The following ROBO2 variants were observed in gnomAD, a reference collection of about 807,000 sequenced individuals.
The protein encoded by ROBO2 is roundabout guidance receptor 2.
A neutral mutation model predicts 160.8 loss-of-function variants in ROBO2; 53 were observed. The ratio of observed to expected loss-of-function variants is 0.33; its 90% confidence interval spans 0.26 to 0.41. The LOEUF is 0.41. ROBO2 is among the 10% of genes least tolerant of loss of function. The probability of loss-of-function intolerance (pLI) is 1.00; values close to 1 mark genes in which losing one functional copy is unlikely to be tolerated. For missense variants in ROBO2, 1,577 were observed against 1,722.4 expected, an observed-to-expected ratio of 0.92 and a Z score of 1.49; for synonymous variants, 664 against 611.7, an observed-to-expected ratio of 1.09 and a Z score of -1.26.
In ROBO2 at chr3:76,054,480, G is replaced by A. The variant is rs558806572; in HGVS notation, c.109+116878G>A. On this transcript the variant is annotated intron_variant, in intron 2 of 26. Transcript: ENST00000487694. ...ACCCCTGTTGTTCACTGTTATCATG[G>A]CTTTCATTTTTCTATCCAGCCAAAA... 7.2e-5 allele frequency among the ~76,000 whole-genome samples: 11 copies of A among 152,200 alleles called. No individual in the cohort carries two copies. The South Asian group carries it at 2.3e-3, about 32-fold the overall frequency.
At chr3:76,504,716 G>A (rs1258722957) in intron 2 of ROBO2, among the ~76,000 whole-genome samples, 1 of 151,756 alleles carries the variant, frequency 6.6e-6, no homozygotes, top group Non-Finnish European at 1.5e-5. Flanking sequence ...TTTTAGTAGA[G>A]ACGGGGTTTC....
chr3:75,981,175 A>G (rs1021327794), intron 2 of ROBO2, among the ~76,000 whole-genome samples: 1 of 151,518 alleles, frequency 6.6e-6, no homozygotes, highest in African/African-American at 2.4e-5. Flanking sequence ...TTTTTCAGCA[A>G]TATTTTAGAG....
At chr3:76,216,738 T>C (rs1393389859) in intron 2 of ROBO2, among the ~76,000 whole-genome samples, 1 of 152,118 alleles carries the variant, frequency 6.6e-6, no homozygotes, top group East Asian at 1.9e-4. Context: ...ACTGTCAACA[T>C]TAGACAGCTC....
chr3:76,048,814 G>A (rs73841093), intron 2 of ROBO2, among the ~76,000 whole-genome samples: 3,120 of 152,124 alleles, frequency 0.021, 43 homozygotes, highest in East Asian at 0.079. Flanking sequence ...TTAACAAATC[G>A]TAGCATGTTT....
chr3:76,553,485 G>T (rs2083533592), intron 2 of ROBO2, among the ~76,000 whole-genome samples: 1 of 152,098 alleles, frequency 6.6e-6, no homozygotes, highest in African/African-American at 2.4e-5. Flanking sequence ...AGATATTTCT[G>T]ACTAAAGAAA....
At chr3:77,581,386 C>T (rs78615811) in intron 16 of ROBO2, among the ~76,000 whole-genome samples, 1 of 152,032 alleles carries the variant, frequency 6.6e-6, no homozygotes. Flanking sequence ...TGGCTTACCT[C>T]TAGATACTGA....
intron 12 of ROBO2, among the ~76,000 whole-genome samples, chr3:77,565,569 G>C (rs1044060255): frequency 2.6e-5 from 4 of 152,002 alleles, no homozygotes; most frequent in Admixed American, 1.3e-4. Context: ...CATCTGCATA[G>C]CCTGCAACTG....
chr3:76,244,782 A>G (rs1000958835), intron 2 of ROBO2, among the ~76,000 whole-genome samples: 2 of 152,180 alleles, frequency 1.3e-5, no homozygotes, highest in Non-Finnish European at 2.9e-5. Context: ...AGAATAGACA[A>G]TACTGAAGGT....
chr3:77,317,480 G>T, intron 2 of ROBO2: 3 of 1,526,974 alleles, frequency 2.0e-6, no homozygotes, highest in Non-Finnish European at 2.7e-6. Flanking sequence ...CTGAGCCTGA[G>T]CTTGTAAACT....
intron 2 of ROBO2, among the ~76,000 whole-genome samples, chr3:76,135,814 CT>C (rs1055410074): frequency 5.1e-4 from 77 of 152,124 alleles, no homozygotes; most frequent in African/African-American, 1.8e-3. Context: ...ACAATTTTTT[CT>C]TTTGAACAAC....
chr3:76,107,718 G>A lies in ROBO2; in HGVS notation c.109+170116G>A, dbSNP rs188782850. Among the ~76,000 whole-genome samples the A allele has an allele frequency of 5.9e-5, 9 of 152,198 alleles. No individual in the cohort carries two copies. In the East Asian group the frequency reaches 7.7e-4, roughly 13 times the overall value. ...TTATACTCAAAATTACACAGTTGAA[G>A]TGCATAAATCACATCTGAAATCCCT... On this transcript the variant is annotated intron_variant, in intron 2 of 26. Transcript: ENST00000487694.
chr3:76,122,391 T>A (rs1326449086), intron 2 of ROBO2, among the ~76,000 whole-genome samples: 1 of 152,182 alleles, frequency 6.6e-6, no homozygotes, highest in Non-Finnish European at 1.5e-5. Flanking sequence ...TCTTGATATT[T>A]TTCAGTCTTG....
At position 76,738,082 on chromosome 3, in the gene ROBO2, C is replaced by T. The variant is rs138623152; in HGVS notation, c.110-359932C>T. On this transcript the variant is annotated intron_variant, in intron 2 of 26. Coordinates refer to the ROBO2 transcript ENST00000487694. ...CCAGGAGGTCGAGGCTGCAGTGAGCCGTGATCGCAACACTGCACTCCAGCC... is the reference window on the plus strand; with the variant it reads ...CCAGGAGGTCGAGGCTGCAGTGAGCTGTGATCGCAACACTGCACTCCAGCC... 6.5e-3 allele frequency among the ~76,000 whole-genome samples: 978 copies of T among 151,560 alleles called. 13 individuals carry two copies. The highest frequency in any genetic ancestry group is 0.022 in the African/African-American group (901 of 41,290).
chr3:76,444,660 A>G (rs570158662), intron 2 of ROBO2, among the ~76,000 whole-genome samples: 8 of 152,292 alleles, frequency 5.3e-5, no homozygotes, highest in African/African-American at 9.6e-5. Flanking sequence ...CCATGATTCA[A>G]TGACCTTCCA....
intron 2 of ROBO2, among the ~76,000 whole-genome samples, chr3:76,013,966 A>G (rs1466115955): frequency 1.3e-5 from 2 of 152,114 alleles, no homozygotes; most frequent in Non-Finnish European, 2.9e-5. Context: ...TAATCCCAGA[A>G]GTAATATGTA....
At chr3:77,244,826 C>T (rs552961351) in intron 2 of ROBO2, among the ~76,000 whole-genome samples, 12 of 146,158 alleles carry the variant, frequency 8.2e-5, no homozygotes, top group African/African-American at 2.3e-4. Context: ...TGCAGTGAGC[C>T]GAGATCCTGC....
chr3:76,252,992 G>GC (rs1475031900), intron 2 of ROBO2, among the ~76,000 whole-genome samples: 10 of 151,536 alleles, frequency 6.6e-5, no homozygotes, highest in Non-Finnish European at 7.4e-5. Context: ...ATTTGACAAG[G>GC]CCCCCCCACA....
intron 2 of ROBO2, among the ~76,000 whole-genome samples, chr3:77,102,453 G>A (rs2072095345): frequency 6.6e-6 from 1 of 152,178 alleles, no homozygotes; most frequent in African/African-American, 2.4e-5. Context: ...GAGAAAGTCA[G>A]TTGAGAACCA....
chr3:76,540,820 CAA>C (rs1181687975), intron 2 of ROBO2, among the ~76,000 whole-genome samples: 1 of 151,732 alleles, frequency 6.6e-6, no homozygotes, highest in Non-Finnish European at 1.5e-5. Context: ...ATTTTTTTGA[CAA>C]AGAGTCTTGC....
Sources: allele counts gnomAD v4.1 joint callset (sites outside exome capture counted in the v4.1 genomes callset), GRCh38; gene constraint gnomAD v4.1.1; transcripts MANE v1.5; gene names NCBI Gene and HGNC (gene_info 2026-07-23, HGNC 2026-07-21).